Variants in SEMA5A observed in about 807,000 individuals in gnomAD.
The protein encoded by SEMA5A is semaphorin 5A.
SEMA5A carries 55 observed loss-of-function variants against 135.5 expected under a neutral mutation model. The observed-to-expected ratio is 0.41, with a 90% CI of 0.33 to 0.51. SEMA5A has a LOEUF of 0.51. Among genes scored for constraint, SEMA5A ranks in the 20% least tolerant of loss-of-function variants. The pLI is 0.37. For missense variants in SEMA5A, 1,290 were observed against 1,419.9 expected (o/e 0.91, Z 1.47); for synonymous variants, 580 against 546.5 (o/e 1.06, Z -0.85).
At chr5:9,359,697 G>T (rs755330569) in intron 3 of SEMA5A, among the ~76,000 whole-genome samples, 4 of 152,058 alleles carry the variant, frequency 2.6e-5, no homozygotes, top group African/African-American at 9.7e-5. Context: ...CTTTATATTT[G>T]CCACCACTCC....
chr5:9,112,030 G>A (rs1376114036), intron 15 of SEMA5A, among the ~76,000 whole-genome samples: 4 of 152,206 alleles, frequency 2.6e-5, no homozygotes, highest in Admixed American at 6.5e-5. Context: ...ACACACTGCA[G>A]ACTTTTAGCA....
intron 16 of SEMA5A, among the ~76,000 whole-genome samples, chr5:9,105,544 A>T (rs1302506792): frequency 2.0e-5 from 3 of 152,326 alleles, no homozygotes; most frequent in East Asian, 3.9e-4. Flanking sequence ...GCTGGAACTC[A>T]GAGAAGCAGC....
chr5:9,081,740 AAT>A (rs1738397476), intron 16 of SEMA5A, among the ~76,000 whole-genome samples: 1 of 152,202 alleles, frequency 6.6e-6, no homozygotes, highest in Non-Finnish European at 1.5e-5. Flanking sequence ...AACTCTCCAG[AAT>A]AGTGATGAAC....
intron 5 of SEMA5A, among the ~76,000 whole-genome samples, chr5:9,241,069 T>A (rs1748165384): frequency 1.3e-5 from 2 of 152,158 alleles, no homozygotes. Context: ...GCATTATATA[T>A]TTCAGCAGCA....
intron 5 of SEMA5A, among the ~76,000 whole-genome samples, chr5:9,292,003 C>A (rs541267687): frequency 6.6e-6 from 1 of 152,068 alleles, no homozygotes; most frequent in Non-Finnish European, 1.5e-5. Context: ...CTGGGATTTG[C>A]GGTGAGGCTG....
intron 2 of SEMA5A, among the ~76,000 whole-genome samples, chr5:9,388,102 A>C (rs1755976952): frequency 6.6e-6 from 1 of 152,228 alleles, no homozygotes; most frequent in African/African-American, 2.4e-5. Flanking sequence ...TGGCTTTGTT[A>C]CCCACAGATT....
intron 16 of SEMA5A, among the ~76,000 whole-genome samples, chr5:9,073,774 A>T (rs928338186): frequency 1.3e-5 from 2 of 152,158 alleles, no homozygotes; most frequent in Non-Finnish European, 2.9e-5. Flanking sequence ...AGAACACAAG[A>T]TCAATGTAAA....
chr5:9,347,564 T>C (rs75285610), intron 3 of SEMA5A, among the ~76,000 whole-genome samples: 9,172 of 152,276 alleles, frequency 0.06, 314 homozygotes, highest in Non-Finnish European at 0.068. Context: ...TCTTTTTTTT[T>C]TACATCCTGG....
chr5:9,297,211 C>T (rs1428622683), intron 5 of SEMA5A, among the ~76,000 whole-genome samples: 1 of 151,170 alleles, frequency 6.6e-6, no homozygotes. Context: ...TGTATATACA[C>T]ATACATACAC....
At chr5:9,420,706 G>A (rs540503110) in intron 2 of SEMA5A, among the ~76,000 whole-genome samples, 1 of 152,244 alleles carries the variant, frequency 6.6e-6, no homozygotes, top group East Asian at 1.9e-4. Flanking sequence ...GCTATGTCCA[G>A]AACAACAGGG....
intron 3 of SEMA5A, among the ~76,000 whole-genome samples, chr5:9,378,936 T>C (rs1225416498): frequency 6.6e-6 from 1 of 152,202 alleles, no homozygotes; most frequent in Non-Finnish European, 1.5e-5. Context: ...ATTTGATTTT[T>C]TTTTAATTTC....
At chr5:9,387,565 T>C (rs779711162) in intron 2 of SEMA5A, among the ~76,000 whole-genome samples, 1 of 152,184 alleles carries the variant, frequency 6.6e-6, no homozygotes, top group Non-Finnish European at 1.5e-5. Flanking sequence ...GAGCGTTCAA[T>C]GAAACAGGAA....
intron 2 of SEMA5A, among the ~76,000 whole-genome samples, chr5:9,391,162 A>C (rs1424131147): frequency 6.6e-6 from 1 of 152,182 alleles, no homozygotes; most frequent in Non-Finnish European, 1.5e-5. Context: ...CGGGCCTGAA[A>C]ATGTGTTTTC....
chr5:9,329,010 C>T (rs73050516), intron 4 of SEMA5A, among the ~76,000 whole-genome samples: 24,867 of 152,140 alleles, frequency 0.16, 2,338 homozygotes, highest in African/African-American at 0.25. Context: ...ACAGGTGCCA[C>T]GGAGCCAAGC....
chr5:9,323,798 A>AT (rs1346151883), intron 4 of SEMA5A, among the ~76,000 whole-genome samples: 1 of 151,120 alleles, frequency 6.6e-6, no homozygotes, highest in Non-Finnish European at 1.5e-5. Context: ...AGTAGCCAGG[A>AT]TTACACTGAC....
chr5:9,184,434 G>A (rs1744698716), intron 11 of SEMA5A, among the ~76,000 whole-genome samples: 2 of 152,044 alleles, frequency 1.3e-5, no homozygotes, highest in African/African-American at 4.8e-5. Flanking sequence ...GTGTCTTTGG[G>A]CACAAGTTTT....
intron 12 of SEMA5A, among the ~76,000 whole-genome samples, chr5:9,139,773 T>C (rs1741964010): frequency 6.6e-6 from 1 of 152,216 alleles, no homozygotes; most frequent in African/African-American, 2.4e-5. Context: ...GCATCTAATG[T>C]GTGTTCCATG....
chr5:9,143,603 A>T (rs548465195), intron 12 of SEMA5A, among the ~76,000 whole-genome samples: 1 of 152,362 alleles, frequency 6.6e-6, no homozygotes, highest in African/African-American at 2.4e-5. Context: ...ATTGATACAC[A>T]TTTTACAGTA....
At chr5:9,405,237 A>C (rs1223099983) in intron 2 of SEMA5A, among the ~76,000 whole-genome samples, 1 of 152,190 alleles carries the variant, frequency 6.6e-6, no homozygotes, top group African/African-American at 2.4e-5. Flanking sequence ...TTCACAGAAA[A>C]ACAGACTCCC....
Sources: allele counts gnomAD v4.1 joint callset (sites outside exome capture counted in the v4.1 genomes callset), GRCh38; gene constraint gnomAD v4.1.1; transcripts MANE v1.5; gene names NCBI Gene and HGNC (gene_info 2026-07-23, HGNC 2026-07-21).